Variants in C5orf24 observed in about 807,000 individuals in gnomAD.
The protein encoded by C5orf24 is chromosome 5 open reading frame 24, also known as UPF0461 protein C5orf24.
C5orf24 carries 4 observed loss-of-function variants against 9.8 expected under a neutral mutation model. That is an observed-to-expected ratio of 0.41 (90% CI 0.20 to 0.93). The LOEUF (loss-of-function observed/expected upper bound fraction) is 0.93, where lower values mean the gene tolerates loss of function less well. Among genes scored for constraint, C5orf24 ranks in the 40% least tolerant of loss-of-function variants. C5orf24 has a pLI of 0.33. For missense variants in C5orf24, 170 were observed against 236.9 expected (o/e 0.72, Z 1.85); for synonymous variants, 73 against 81.3 (o/e 0.90, Z 0.55).
intron 1 of C5orf24, among the ~76,000 whole-genome samples, chr5:134,848,478 G>A (rs1160528910): frequency 2.0e-5 from 3 of 149,494 alleles, no homozygotes; most frequent in African/African-American, 7.4e-5. Flanking sequence ...CCAACATGGT[G>A]AAACCTCGTT....
chr5:134,841,033 A>G (rs1488059760), upstream of C5orf24, among the ~76,000 whole-genome samples: 2 of 152,184 alleles, frequency 1.3e-5, no homozygotes, highest in South Asian at 2.1e-4. Flanking sequence ...CAAAAACACT[A>G]TGAAGCATGA....
intron 1 of C5orf24, among the ~76,000 whole-genome samples, chr5:134,847,422 A>C (rs1254147641): frequency 6.6e-6 from 1 of 151,894 alleles, no homozygotes; most frequent in Non-Finnish European, 1.5e-5. Flanking sequence ...CAGCCTCCCA[A>C]GTAGCTGGGA....
At chr5:134,838,692 T>A in the C5orf24 span, among the ~76,000 whole-genome samples, 1 of 151,804 alleles carries the variant, frequency 6.6e-6, no homozygotes, top group Non-Finnish European at 1.5e-5. Flanking sequence ...TCCCTATAAT[T>A]TCAGCACTTT....
At chr5:134,848,025 G>C (rs572361709) in intron 1 of C5orf24, among the ~76,000 whole-genome samples, 5 of 151,932 alleles carry the variant, frequency 3.3e-5, no homozygotes, top group Admixed American at 3.3e-4. Context: ...AAGAAATGTG[G>C]CTTGGGACCG....
At chr5:134,841,947 A>G (rs768544704), upstream of C5orf24, among the ~76,000 whole-genome samples, 9 of 152,198 alleles carry the variant, frequency 5.9e-5, no homozygotes, top group Admixed American at 2.0e-4. Context: ...ACTTTGTGCA[A>G]TGTGAGTCTA....
At position 134,858,718 on chromosome 5, in the gene C5orf24, T is replaced by C. The variant is rs774489163; in HGVS notation, c.*3251T>C. On this transcript the variant is annotated 3_prime_UTR_variant, in exon 2 of 2. Coordinates refer to ENST00000394976, the MANE Select transcript of C5orf24 (RefSeq NM_001135586.1). ...TGAAATTTTCATTTTTTGACAGATA[T>C]AACCTTGCATAAGTAGTATTTAGGG... 3 of 167,028 alleles carry C rather than the reference T, an allele frequency of 1.8e-5. No homozygotes were observed. The highest frequency in any genetic ancestry group is 4.8e-5 in the African/African-American group (2 of 41,456). The allele number at this position is 167,028 out of a possible 1,614,324, so 10.3% of individuals were successfully genotyped here. A position where few individuals can be genotyped will look rare whatever the true frequency, so the allele number is the denominator to read the frequency against.
Position 134,855,696 on chromosome 5 carries a change from A to T in C5orf24, c.*229A>T. The T allele has an allele frequency of 7.1e-7, 1 of 1,409,246 alleles. No individual in the cohort carries two copies. Among genetic ancestry groups the T allele is most frequent in the Non-Finnish European group, 9.2e-7 (1 of 1,082,342 alleles). The allele number at this position is 1,409,246 out of a possible 1,614,324, so 87.3% of individuals were successfully genotyped here. Reference sequence around the variant, plus strand: ...ATAGGTTCAAGTGTAACACCTAACTAAATCATTTTTCCTTTTCCTTTAGAG... The same window carrying T: ...ATAGGTTCAAGTGTAACACCTAACTTAATCATTTTTCCTTTTCCTTTAGAG... On this transcript the variant is annotated 3_prime_UTR_variant, in exon 2 of 2. Coordinates refer to ENST00000394976, the MANE Select transcript of C5orf24 (RefSeq NM_001135586.1).
At position 134,857,091 on chromosome 5, in the gene C5orf24, C is replaced by A; in HGVS notation, c.*1624C>A. ...TCTTCTTTCCTTTCTGAAAGTAATACTTCTTGTTACACATTTTATTTATTG... is the reference window on the plus strand; with the variant it reads ...TCTTCTTTCCTTTCTGAAAGTAATAATTCTTGTTACACATTTTATTTATTG... On this transcript the variant is annotated 3_prime_UTR_variant, in exon 2 of 2. Coordinates refer to ENST00000394976, the MANE Select transcript of C5orf24 (RefSeq NM_001135586.1). 1.7e-6 allele frequency: 2 copies of A among 1,161,138 alleles called. No individual in the cohort carries two copies. The highest frequency in any genetic ancestry group is 1.1e-6 in the Non-Finnish European group (1 of 929,164). The allele number at this position is 1,161,138 out of a possible 1,614,324, so 71.9% of individuals were successfully genotyped here. A position where few individuals can be genotyped will look rare whatever the true frequency, so the allele number is the denominator to read the frequency against.
chr5:134,836,675 C>G, the C5orf24 span, among the ~76,000 whole-genome samples: 1 of 151,596 alleles, frequency 6.6e-6, no homozygotes, highest in East Asian at 2.0e-4. Flanking sequence ...TCCTGAGTAG[C>G]TGGGATTACA....
chr5:134,840,574 T>TGTACTC, the C5orf24 span, among the ~76,000 whole-genome samples: 1 of 152,038 alleles, frequency 6.6e-6, no homozygotes, highest in Non-Finnish European at 1.5e-5. Context: ...CACTCTGTCA[T>TGTACTC]TCAATCTGAA....
Position 134,855,137 on chromosome 5 carries a change from GA to G in C5orf24, c.242del (p.Lys81ArgfsTer87). ...RSIEIKDELK[K>X]KKNLNRSGKR... ...GCATAGAAATAAAAGATGAACTAAAGAAAAAGAAGAATCTCAACCGATCTGG... is the reference window on the plus strand; with the variant it reads ...GCATAGAAATAAAAGATGAACTAAAGAAAAGAAGAATCTCAACCGATCTGG... On this transcript the variant is annotated frameshift_variant, in exon 2 of 2. Coordinates refer to ENST00000394976, the MANE Select transcript of C5orf24 (RefSeq NM_001135586.1). LOFTEE classifies it high-confidence loss of function. 1 of 1,614,076 alleles carries G rather than the reference GA, an allele frequency of 6.2e-7. No individual in the cohort carries two copies. Among genetic ancestry groups the G allele is most frequent in the Non-Finnish European group, 8.5e-7 (1 of 1,179,998 alleles).
chr5:134,849,674 T>TTA (rs1329453506), intron 1 of C5orf24, among the ~76,000 whole-genome samples: 5 of 141,322 alleles, frequency 3.5e-5, no homozygotes, highest in Non-Finnish European at 7.5e-5. Context: ...TTTTTTTTTT[T>TTA]AAAGAGAGAG....
the C5orf24 span, among the ~76,000 whole-genome samples, chr5:134,834,073 T>C: frequency 6.6e-6 from 1 of 152,222 alleles, no homozygotes; most frequent in Non-Finnish European, 1.5e-5. Context: ...TTAGGATTAC[T>C]TTAAAAGACA....
In C5orf24 at chr5:134,855,356, C is replaced by T. The variant is rs752933865; in HGVS notation, c.456C>T (p.Ala152=). 37 of 1,614,012 alleles carry T rather than the reference C, an allele frequency of 2.3e-5. No homozygotes were observed. The highest frequency in any genetic ancestry group is 4.4e-5 in the South Asian group (4 of 91,088). ...PGSIKALSRL[A]DLGYGCGTAA... ...GCATTAAAGCTCTATCCCGTCTTGC[C>T]GATCTTGGTTATGGCTGTGGCACTG... The change falls in exon 2 of 2, where the codon GCC becomes GCT. Residue 152 remains alanine (A), a synonymous_variant. Coordinates refer to ENST00000394976, the MANE Select transcript of C5orf24 (RefSeq NM_001135586.1).
chr5:134,856,158 A>G lies in C5orf24; in HGVS notation c.*691A>G. The G allele has an allele frequency of 1.0e-6, 1 of 997,616 alleles. No individual in the cohort carries two copies. Among genetic ancestry groups the G allele is most frequent in the Non-Finnish European group, 1.2e-6 (1 of 827,546 alleles). The allele number at this position is 997,616 out of a possible 1,614,324, so 61.8% of individuals were successfully genotyped here. On this transcript the variant is annotated 3_prime_UTR_variant, in exon 2 of 2. Transcript: ENST00000394976. ...AATTGCCTAAGAGCATATATACCAAACACTACAAACAATTCATATTTACAG... is the reference window on the plus strand; with the variant it reads ...AATTGCCTAAGAGCATATATACCAAGCACTACAAACAATTCATATTTACAG...
At chr5:134,845,494 TTTG>T (rs1426167512), upstream of C5orf24, among the ~76,000 whole-genome samples, 14 of 152,204 alleles carry the variant, frequency 9.2e-5, no homozygotes, top group Non-Finnish European at 2.1e-4. Context: ...ATAGCGGTAG[TTTG>T]TTGTTCCATC....
At chr5:134,840,305 C>CAAAA in the C5orf24 span, among the ~76,000 whole-genome samples, 11 of 53,352 alleles carry the variant, frequency 2.1e-4, no homozygotes, top group South Asian at 1.4e-3. Context: ...GACTGCATCT[C>CAAAA]AAAAAAAAAA....
At chr5:134,844,064 TACTTG>T (rs1471685723), upstream of C5orf24, among the ~76,000 whole-genome samples, 1 of 152,216 alleles carries the variant, frequency 6.6e-6, no homozygotes, top group Non-Finnish European at 1.5e-5. Flanking sequence ...GCCTGCAAAT[TACTTG>T]ACTTTTTTAG....
the C5orf24 span, among the ~76,000 whole-genome samples, chr5:134,839,829 A>G: frequency 6.6e-6 from 1 of 151,940 alleles, no homozygotes; most frequent in East Asian, 1.9e-4. Flanking sequence ...CTGGGATTAC[A>G]GGTGCGTGCC....
Sources: gnomAD v4.1 joint callset for allele counts (sites outside exome capture counted in the v4.1 genomes callset) on GRCh38, gnomAD v4.1.1 for gene constraint, MANE v1.5 for transcripts, NCBI Gene and HGNC (gene_info 2026-07-23, HGNC 2026-07-21) for gene names.